RASSF8: variants seen among roughly 807,000 people sequenced by gnomAD.
The protein encoded by RASSF8 is Ras association domain family member 8.
RASSF8 carries 22 observed loss-of-function variants against 48.5 expected under a neutral mutation model. The ratio of observed to expected loss-of-function variants is 0.45; its 90% CI spans 0.32 to 0.65. The LOEUF (loss-of-function observed/expected upper bound fraction) is 0.65. Ranked by LOEUF, RASSF8 falls within the 30% of genes least tolerant of loss-of-function variation. The pLI, the probability that RASSF8 is intolerant of heterozygous loss-of-function variation, is 0.03. For synonymous variants in RASSF8, 127 were observed against 171.5 expected, an observed-to-expected ratio of 0.74 and a Z score of 2.03; for missense variants, 418 against 489.2, an observed-to-expected ratio of 0.85 and a Z score of 1.37.
At chr12:25,972,454 T>C (rs1941505784) in intron 1 of RASSF8, among the ~76,000 whole-genome samples, 1 of 152,126 alleles carries the variant, frequency 6.6e-6, no homozygotes, top group African/African-American at 2.4e-5. Context: ...TCCAGCAGTA[T>C]TTATAGTAAT....
intron 2 of RASSF8, among the ~76,000 whole-genome samples, chr12:26,027,069 T>C (rs961664096): frequency 9.8e-5 from 15 of 152,364 alleles, no homozygotes; most frequent in African/African-American, 3.6e-4. Context: ...GAAATACAGA[T>C]ATTTACTACA....
Position 26,071,509 on chromosome 12 carries a change from A to G in RASSF8, c.*2691A>G. On this transcript the variant is annotated 3_prime_UTR_variant, in exon 6 of 6. Transcript: ENST00000689635. The stretch of plus-strand genomic sequence containing the variant: ...TTACCAAGAAATAATTTGGAATAGC[A>G]TTGGTATATTTGACCTTTTGAGTGT... The G allele has an allele frequency of 1.0e-6, 1 of 966,730 alleles. No individual in the cohort carries two copies. The highest frequency in any genetic ancestry group is 1.2e-6 in the Non-Finnish European group (1 of 812,934). 59.9% of individuals were successfully genotyped at this position (966,730 alleles called of 1,614,324 possible). A position where few individuals can be genotyped will look rare whatever the true frequency, so the allele number is the denominator to read the frequency against.
chr12:26,076,001 G>T (rs1433558178), downstream of RASSF8, among the ~76,000 whole-genome samples: 2 of 152,094 alleles, frequency 1.3e-5, no homozygotes, highest in African/African-American at 4.8e-5. Flanking sequence ...ATCTCGACAA[G>T]CTAAAAAGGT....
intron 1 of RASSF8, among the ~76,000 whole-genome samples, chr12:25,991,741 T>G (rs1474609742): frequency 6.6e-6 from 1 of 152,230 alleles, no homozygotes; most frequent in Non-Finnish European, 1.5e-5. Context: ...CATGTCTTTA[T>G]GTCATCATTC....
At chr12:25,969,551 T>C (rs1941436430) in intron 1 of RASSF8, among the ~76,000 whole-genome samples, 1 of 152,108 alleles carries the variant, frequency 6.6e-6, no homozygotes, top group Non-Finnish European at 1.5e-5. Context: ...AGGAGATAAT[T>C]GCAACAATCC....
intron 2 of RASSF8, among the ~76,000 whole-genome samples, chr12:26,038,258 A>T (rs370306147): frequency 2.6e-5 from 4 of 152,314 alleles, no homozygotes; most frequent in African/African-American, 9.6e-5. Context: ...TTGGAAATAG[A>T]ACTGACTAGA....
At chr12:25,990,137 ACTTTGTATAAC>A (rs1565607291) in intron 1 of RASSF8, among the ~76,000 whole-genome samples, 5 of 152,098 alleles carry the variant, frequency 3.3e-5, no homozygotes, top group African/African-American at 9.7e-5. Context: ...CTTAACCTCA[ACTTTGTATAAC>A]CTGTATAATG....
chr12:25,990,241 C>A (rs1195515335), intron 1 of RASSF8, among the ~76,000 whole-genome samples: 1 of 152,156 alleles, frequency 6.6e-6, no homozygotes, highest in Non-Finnish European at 1.5e-5. Context: ...ATGAAGGCTT[C>A]CTGGATATCC....
intron 1 of RASSF8, among the ~76,000 whole-genome samples, chr12:25,986,407 G>A (rs1044832487): frequency 1.3e-5 from 2 of 152,220 alleles, no homozygotes; most frequent in African/African-American, 4.8e-5. Context: ...TAGAATGTTT[G>A]CTGTTATCTG....
chr12:26,034,455 A>G (rs1565629059), intron 2 of RASSF8, among the ~76,000 whole-genome samples: 1 of 151,940 alleles, frequency 6.6e-6, no homozygotes, highest in African/African-American at 2.4e-5. Context: ...TTATGCATTT[A>G]TGTTGGGCCG....
chr12:25,992,400 A>C (rs1942034959), intron 1 of RASSF8, among the ~76,000 whole-genome samples: 1 of 152,136 alleles, frequency 6.6e-6, no homozygotes, highest in Admixed American at 6.5e-5. Context: ...ATTCTTTTCT[A>C]ATTATTCCCT....
intron 1 of RASSF8, among the ~76,000 whole-genome samples, chr12:25,963,782 C>T (rs942678485): frequency 6.6e-6 from 1 of 152,152 alleles, no homozygotes; most frequent in African/African-American, 2.4e-5. Context: ...CATTTTTGAG[C>T]CCCTGTTGGG....
chr12:26,010,514 C>G (rs756305721), intron 2 of RASSF8, among the ~76,000 whole-genome samples: 1 of 151,788 alleles, frequency 6.6e-6, no homozygotes, highest in Non-Finnish European at 1.5e-5. Flanking sequence ...ACCTGCCCCT[C>G]CTGATTACCC....
At chr12:26,037,230 TA>T (rs1465470573) in intron 2 of RASSF8, among the ~76,000 whole-genome samples, 1 of 152,216 alleles carries the variant, frequency 6.6e-6, no homozygotes, top group African/African-American at 2.4e-5. Context: ...ACAATAAAAT[TA>T]AGAGTCCTGA....
chr12:26,024,347 A>G (rs1327825344), intron 2 of RASSF8, among the ~76,000 whole-genome samples: 1 of 152,122 alleles, frequency 6.6e-6, no homozygotes, highest in Non-Finnish European at 1.5e-5. Flanking sequence ...CTCCTCACAA[A>G]GAAAAGTCTC....
chr12:26,019,893 A>G (rs1942747536), intron 2 of RASSF8, among the ~76,000 whole-genome samples: 1 of 152,028 alleles, frequency 6.6e-6, no homozygotes, highest in African/African-American at 2.4e-5. Flanking sequence ...ATTGGTTGAT[A>G]ATTATTTTTA....
At chr12:26,024,012 G>A (rs1401589879) in intron 2 of RASSF8, among the ~76,000 whole-genome samples, 2 of 152,152 alleles carry the variant, frequency 1.3e-5, no homozygotes, top group Non-Finnish European at 2.9e-5. Context: ...TCATTTATTT[G>A]ATAGTCAAAT....
chr12:25,967,265 A>G (rs1458550819), intron 1 of RASSF8, among the ~76,000 whole-genome samples: 1 of 151,922 alleles, frequency 6.6e-6, no homozygotes, highest in Non-Finnish European at 1.5e-5. Context: ...CTACTCAGAC[A>G]TTCCTTCTCC....
chr12:26,018,289 C>T lies in RASSF8; in HGVS notation c.-109+23159C>T, dbSNP rs559866706. 6.6e-5 allele frequency among the ~76,000 whole-genome samples: 10 copies of T among 151,950 alleles called. No individual in the cohort carries two copies. The South Asian group carries it at 2.1e-3, about 32-fold the overall frequency. ...AGCAAATTTAGCAAATTTGGAGCTGCCTATGAAGATTTTATTCTTAAACTA... is the reference window on the plus strand; with the variant it reads ...AGCAAATTTAGCAAATTTGGAGCTGTCTATGAAGATTTTATTCTTAAACTA... On this transcript the variant is annotated intron_variant, in intron 2 of 5. Transcript: ENST00000689635.
Sources: allele counts gnomAD v4.1 joint callset (sites outside exome capture counted in the v4.1 genomes callset), GRCh38; gene constraint gnomAD v4.1.1; transcripts MANE v1.5; gene names NCBI Gene and HGNC (gene_info 2026-07-23, HGNC 2026-07-21).